UNC5D: variants seen among roughly 807,000 people sequenced by gnomAD.
UNC5D encodes unc-5 netrin receptor D.
UNC5D carries 39 observed loss-of-function variants against 105.4 expected under a neutral mutation model. The observed-to-expected ratio is 0.37, with a 90% confidence interval of 0.29 to 0.48. UNC5D has a LOEUF of 0.48. UNC5D is among the 20% of genes least tolerant of loss of function. The probability of loss-of-function intolerance (pLI) is 0.98; values close to 1 mark genes in which losing one functional copy is unlikely to be tolerated. For synonymous variants in UNC5D, 452 were observed against 450.4 expected, an observed-to-expected ratio of 1.00 and a Z score of -0.04; for missense variants, 991 against 1,202.4, an observed-to-expected ratio of 0.82 and a Z score of 2.60.
chr8:35,784,268 T>C (rs1291137126), intron 16 of UNC5D, among the ~76,000 whole-genome samples: 2 of 152,154 alleles, frequency 1.3e-5, no homozygotes, highest in Non-Finnish European at 2.9e-5. Flanking sequence ...TAGTACTCAA[T>C]GAACTTACAT....
intron 2 of UNC5D, among the ~76,000 whole-genome samples, chr8:35,552,493 T>C (rs1175109710): frequency 6.6e-6 from 1 of 152,374 alleles, no homozygotes; most frequent in African/African-American, 2.4e-5. Flanking sequence ...ATGTGTATCA[T>C]CCTATACATA....
At chr8:35,765,143 T>G (rs1801709201) in intron 14 of UNC5D, among the ~76,000 whole-genome samples, 1 of 152,222 alleles carries the variant, frequency 6.6e-6, no homozygotes, top group Non-Finnish European at 1.5e-5. Flanking sequence ...TGGGTCTGCC[T>G]GCTGATCTTA....
At chr8:35,723,016 A>T (rs187305609) in intron 9 of UNC5D, among the ~76,000 whole-genome samples, 1 of 152,312 alleles carries the variant, frequency 6.6e-6, no homozygotes, top group East Asian at 1.9e-4. Context: ...GAGTCATTTA[A>T]TTCTGTTATA....
chr8:35,792,965 T>C lies in UNC5D; in HGVS notation c.*2402T>C. 4.4e-6 allele frequency: 2 copies of C among 453,262 alleles called. No homozygotes were observed. The highest frequency in any genetic ancestry group is 1.6e-5 in the South Asian group (1 of 63,440). The allele number at this position is 453,262 out of a possible 1,614,324, so 28.1% of individuals were successfully genotyped here. On this transcript the variant is annotated 3_prime_UTR_variant, in exon 17 of 17. Coordinates refer to ENST00000404895, the MANE Select transcript of UNC5D (RefSeq NM_080872.4). ...CCTGAATGTCTGGAGTTACCTCCCATGGATTTTTTTTTCCTTTGGCCTGGG... is the reference window on the plus strand; with the variant it reads ...CCTGAATGTCTGGAGTTACCTCCCACGGATTTTTTTTTCCTTTGGCCTGGG...
In UNC5D at chr8:35,792,867, G is replaced by A; in HGVS notation, c.*2304G>A. On this transcript the variant is annotated 3_prime_UTR_variant, in exon 17 of 17. Coordinates refer to ENST00000404895, the MANE Select transcript of UNC5D (RefSeq NM_080872.4). ...GATACATTTTAAGTATTTTTAAATA[G>A]ATGAAAATTCTAAATGATTTTCCCT... 5.6e-6 allele frequency: 2 copies of A among 353,996 alleles called. No individual in the cohort carries two copies. Among genetic ancestry groups the A allele is most frequent in the Non-Finnish European group, 1.1e-5 (2 of 185,970 alleles). The allele number at this position is 353,996 out of a possible 1,614,324, so 21.9% of individuals were successfully genotyped here.
At position 35,636,546 on chromosome 8, in the gene UNC5D, A is replaced by G. The variant is rs527242531; in HGVS notation, c.570+40889A>G. ...GCATGGAGATACCATTGCTCCCAGT[A>G]TAGTTACTGATTTAGGTAAAGAGTC... On this transcript the variant is annotated intron_variant, in intron 4 of 16. Transcript: ENST00000404895. 6.6e-5 allele frequency among the ~76,000 whole-genome samples: 10 copies of G among 152,272 alleles called. No homozygotes were observed. The South Asian group carries it at 2.1e-3, about 32-fold the overall frequency.
chr8:35,579,164 CAAAAT>C (rs5890824), intron 3 of UNC5D, among the ~76,000 whole-genome samples: 15,839 of 152,084 alleles, frequency 0.1, 861 homozygotes, highest in African/African-American at 0.14. Context: ...GCAAAACAAA[CAAAAT>C]AATATTACCT....
intron 4 of UNC5D, among the ~76,000 whole-genome samples, chr8:35,597,402 G>T (rs907398275): frequency 4.6e-5 from 7 of 152,214 alleles, no homozygotes; most frequent in Non-Finnish European, 8.8e-5. Flanking sequence ...TGTCAGGCAA[G>T]GGACTGTATC....
chr8:35,618,991 G>T (rs1821190707), intron 4 of UNC5D, among the ~76,000 whole-genome samples: 1 of 152,116 alleles, frequency 6.6e-6, no homozygotes, highest in Non-Finnish European at 1.5e-5. Context: ...ACAGCATCTT[G>T]CTTGATCTGC....
intron 1 of UNC5D, among the ~76,000 whole-genome samples, chr8:35,531,219 G>C (rs1814342338): frequency 1.0e-5 from 1 of 97,592 alleles, no homozygotes; most frequent in South Asian, 4.9e-4. Context: ...TGCTTTGAAT[G>C]CTTCCCAGAG....
chr8:35,269,590 G>A (rs1404898731), intron 1 of UNC5D, among the ~76,000 whole-genome samples: 1 of 152,056 alleles, frequency 6.6e-6, no homozygotes, highest in African/African-American at 2.4e-5. Flanking sequence ...GCTTGCAAAG[G>A]CCATTAACCA....
Position 35,241,561 on chromosome 8 carries a change from A to G in UNC5D, c.103+5674A>G, listed in dbSNP as rs944117728. Among the ~76,000 whole-genome samples the G allele has an allele frequency of 9.8e-5, 15 of 152,324 alleles. 1 individual carries two copies. The highest frequency in any genetic ancestry group is 6.5e-4 in the Admixed American group (10 of 15,294). On this transcript the variant is annotated intron_variant, in intron 1 of 16. Coordinates refer to ENST00000404895, the MANE Select transcript of UNC5D (RefSeq NM_080872.4). ...TGATATCAGGCCACTATAGAGCATA[A>G]AATATTTCTGAATATTGTTTCTATC...
intron 1 of UNC5D, among the ~76,000 whole-genome samples, chr8:35,375,224 C>G (rs973710758): frequency 2.6e-5 from 4 of 152,160 alleles, no homozygotes; most frequent in Non-Finnish European, 5.9e-5. Context: ...TGAGTTTTCT[C>G]TCTGTGTAAG....
At chr8:35,722,621 A>G (rs537060468) in intron 9 of UNC5D, among the ~76,000 whole-genome samples, 83 of 152,282 alleles carry the variant, frequency 5.5e-4, no homozygotes, top group Middle Eastern at 3.4e-3. Flanking sequence ...CAACATTTTC[A>G]ATGAGGCATT....
intron 1 of UNC5D, among the ~76,000 whole-genome samples, chr8:35,455,276 G>A (rs1808409063): frequency 6.7e-6 from 1 of 148,324 alleles, no homozygotes; most frequent in Non-Finnish European, 1.5e-5. Context: ...AGCTAGGAAT[G>A]GATACTTTTT....
intron 1 of UNC5D, among the ~76,000 whole-genome samples, chr8:35,367,221 G>T (rs1802167957): frequency 6.6e-6 from 1 of 152,112 alleles, no homozygotes; most frequent in Non-Finnish European, 1.5e-5. Context: ...AGTGCATGTT[G>T]CTTTCTACCT....
intron 1 of UNC5D, among the ~76,000 whole-genome samples, chr8:35,356,109 C>T (rs1309266034): frequency 6.6e-6 from 1 of 152,110 alleles, no homozygotes; most frequent in Non-Finnish European, 1.5e-5. Context: ...ATTACCCAGT[C>T]CTGGGTATTT....
At chr8:35,290,303 T>C (rs966004902) in intron 1 of UNC5D, among the ~76,000 whole-genome samples, 7 of 152,154 alleles carry the variant, frequency 4.6e-5, no homozygotes, top group African/African-American at 1.7e-4. Flanking sequence ...CATAATAAAC[T>C]ACTCTTAGAC....
chr8:35,709,745 A>G (rs1457815074), intron 8 of UNC5D, among the ~76,000 whole-genome samples: 1 of 152,104 alleles, frequency 6.6e-6, no homozygotes, highest in Non-Finnish European at 1.5e-5. Flanking sequence ...CTGAGGGGAG[A>G]AAAACAAGGA....
Sources: gnomAD v4.1 joint callset for allele counts (sites outside exome capture counted in the v4.1 genomes callset) on GRCh38, gnomAD v4.1.1 for gene constraint, MANE v1.5 for transcripts, NCBI Gene and HGNC (gene_info 2026-07-23, HGNC 2026-07-21) for gene names.